Variants in CFAP54 observed in about 807,000 individuals in gnomAD.
The protein encoded by CFAP54 is cilia and flagella associated protein 54, also known as cilia- and flagella-associated protein 54.
In CFAP54, 290 loss-of-function variants were observed where a neutral mutation model predicts 370.4. The observed-to-expected ratio is 0.78, with a 90% CI of 0.71 to 0.86. The LOEUF is 0.86. Among genes scored for constraint, CFAP54 ranks in the 40% least tolerant of loss-of-function variants. The probability of loss-of-function intolerance (pLI) is 0.00; values close to 1 mark genes in which losing one functional copy is unlikely to be tolerated. For synonymous variants in CFAP54, 1,206 were observed against 1,236.5 expected (o/e 0.98, Z 0.52); for missense variants, 3,399 against 3,528.7 (o/e 0.96, Z 0.93).
chr12:96,740,670 A>C (rs1958040603), intron 51 of CFAP54, among the ~76,000 whole-genome samples: 1 of 152,264 alleles, frequency 6.6e-6, no homozygotes, highest in African/African-American at 2.4e-5. Context: ...ATTACAAATT[A>C]GCAAAACTAA....
intron 36 of CFAP54, among the ~76,000 whole-genome samples, chr12:96,655,205 C>A (rs1956908410): frequency 6.7e-6 from 1 of 148,718 alleles, no homozygotes. Flanking sequence ...TTTTTTCCAC[C>A]AAAGGATTCA....
chr12:96,492,427 C>T (rs2136340121), intron 1 of CFAP54, among the ~76,000 whole-genome samples: 1 of 152,290 alleles, frequency 6.6e-6, no homozygotes, highest in African/African-American at 2.4e-5. Flanking sequence ...GAATGTTCTT[C>T]CCCAAGCTTT....
intron 66 of CFAP54, among the ~76,000 whole-genome samples, chr12:96,830,761 C>T (rs545242419): frequency 6.6e-6 from 1 of 152,240 alleles, no homozygotes; most frequent in Non-Finnish European, 1.5e-5. Context: ...TCACTGCAAC[C>T]TCCACTTGCT....
chr12:96,576,868 A>C, intron 20 of CFAP54, 107 bp downstream of exon 20: 1 of 898,946 alleles, frequency 1.1e-6, no homozygotes, highest in Non-Finnish European at 1.6e-6. Flanking sequence ...AGTCTTATTC[A>C]TAAGCACTGA....
chr12:96,821,458 C>G (rs1959033357), intron 65 of CFAP54, among the ~76,000 whole-genome samples: 1 of 152,024 alleles, frequency 6.6e-6, no homozygotes, highest in African/African-American at 2.4e-5. Context: ...TAATGTTCTT[C>G]TTTGTGTTTT....
intron 33 of CFAP54, chr12:96,645,202 G>C (rs1409108854): frequency 1.1e-5 from 5 of 456,108 alleles, no homozygotes; most frequent in Admixed American, 9.4e-5. Context: ...AGTGCTGTGA[G>C]AGATAAAAAT....
intron 46 of CFAP54, among the ~76,000 whole-genome samples, chr12:96,704,452 G>GTGTGTA (rs1370305562): frequency 1.6e-5 from 1 of 61,316 alleles, no homozygotes; most frequent in African/African-American, 5.5e-5. Context: ...ATGTATGTGT[G>GTGTGTA]TATATATATA....
intron 65 of CFAP54, among the ~76,000 whole-genome samples, chr12:96,826,661 T>C (rs1414077675): frequency 2.2e-4 from 24 of 107,800 alleles, no homozygotes; most frequent in African/African-American, 7.6e-4. Context: ...AAATATATTA[T>C]ATATAAATAT....
intron 39 of CFAP54, among the ~76,000 whole-genome samples, chr12:96,677,181 T>TA (rs1957220397): frequency 8.0e-6 from 1 of 124,626 alleles, no homozygotes; most frequent in Non-Finnish European, 1.7e-5. Flanking sequence ...TTATTTTATT[T>TA]TATTTTTTTT....
chr12:96,666,657 GA>G (rs1015593557), intron 39 of CFAP54, among the ~76,000 whole-genome samples: 3 of 152,198 alleles, frequency 2.0e-5, no homozygotes, highest in African/African-American at 7.2e-5. Flanking sequence ...CCACCCCGAT[GA>G]TTCAGTTACC....
intron 4 of CFAP54, among the ~76,000 whole-genome samples, chr12:96,509,815 CAAA>C (rs61180247): frequency 1.4e-5 from 2 of 145,008 alleles, no homozygotes; most frequent in African/African-American, 2.5e-5. Context: ...GTCTCCATCT[CAAA>C]AAAAAAAAAA....
intron 39 of CFAP54, among the ~76,000 whole-genome samples, chr12:96,670,223 T>C (rs1161079212): frequency 6.6e-6 from 1 of 152,170 alleles, no homozygotes; most frequent in East Asian, 1.9e-4. Context: ...TGCTAGACCA[T>C]ATGTACATAT....
chr12:96,768,430 A>G (rs77455985), intron 60 of CFAP54, among the ~76,000 whole-genome samples: 9,736 of 152,202 alleles, frequency 0.064, 765 homozygotes, highest in East Asian at 0.44. Context: ...AGAAGGGTGG[A>G]TCACTTGAGG....
At chr12:96,801,356 C>T (rs530898499) in intron 63 of CFAP54, among the ~76,000 whole-genome samples, 107 of 152,300 alleles carry the variant, frequency 7.0e-4, no homozygotes, top group Non-Finnish European at 1.1e-3. Flanking sequence ...AACCACATTA[C>T]AAGCTATTCA....
chr12:96,718,533 A>G lies in CFAP54; in HGVS notation c.6804+11A>G, dbSNP rs564052090. 2 of 1,507,328 alleles carry G rather than the reference A, an allele frequency of 1.3e-6. No homozygotes were observed. The highest frequency in any genetic ancestry group is 2.3e-5 in the East Asian group (1 of 44,132). The allele number at this position is 1,507,328 out of a possible 1,614,324, so 93.4% of individuals were successfully genotyped here. ...CTTAGCATGCTAAAGGTAAGTTTGA[A>G]ACTGTTTTCAAACCATTAAGTTAGT... is the stretch of plus-strand genomic sequence containing the variant. On this transcript the variant is annotated intron_variant, in intron 49 of 67. Transcript: ENST00000524981.
At chr12:96,693,922 C>G in intron 45 of CFAP54, 114 bp downstream of exon 45, 1 of 587,806 alleles carries the variant, frequency 1.7e-6, no homozygotes, top group Non-Finnish European at 2.9e-6. Context: ...TGGCATTACA[C>G]TGATGTAAGA....
chr12:96,827,235 G>A lies in CFAP54; in HGVS notation c.9097-1779G>A, dbSNP rs370593786. 6.7e-3 allele frequency among the ~76,000 whole-genome samples: 123 copies of A among 18,284 alleles called. 57 individuals are homozygous for A. Among genetic ancestry groups the A allele is most frequent in the African/African-American group, 0.025 (32 of 1,266 alleles). 12.0% of individuals were successfully genotyped at this position (18,284 alleles called of 152,430 possible). A position where few individuals can be genotyped will look rare whatever the true frequency, so the allele number is the denominator to read the frequency against. Reference sequence around the variant, plus strand: ...TATATGTGATTATATATAATGTGCAGTTATATGTGATTATATATAGTGTGC... The same window carrying A: ...TATATGTGATTATATATAATGTGCAATTATATGTGATTATATATAGTGTGC... On this transcript the variant is annotated intron_variant, in intron 65 of 67. Transcript: ENST00000524981.
chr12:96,581,704 G>A (rs140723782), intron 22 of CFAP54, among the ~76,000 whole-genome samples: 442 of 151,712 alleles, frequency 2.9e-3, no homozygotes, highest in African/African-American at 0.01. Context: ...GCACACACAC[G>A]TGTATATGAA....
In CFAP54 at chr12:96,580,969, A is replaced by G; in HGVS notation, c.2939A>G (p.Asn980Ser). ...TTTGAAGTGAAAGGTTTAGAAACCA[A>G]TGAAAAGTATGTATTTGCAGTTGCT... Reference protein sequence around the residue: ...SVFEVKGLETNEKYVFAVAAY... With the variant: ...SVFEVKGLETSEKYVFAVAAY... The change falls in exon 22 of 68, where the codon AAT (asparagine) becomes AGT (serine). Residue 980 changes from asparagine to serine, a missense_variant. This residue lies in a region of CFAP54 where 2,796 missense variants were observed against 2,869.7 expected (regional missense o/e 0.97). Transcript: ENST00000524981. 2 of 1,533,296 alleles carry G rather than the reference A, an allele frequency of 1.3e-6. No homozygotes were observed. The highest frequency in any genetic ancestry group is 1.7e-6 in the Non-Finnish European group (2 of 1,145,300). The allele number at this position is 1,533,296 out of a possible 1,614,324, so 95.0% of individuals were successfully genotyped here. A position where few individuals can be genotyped will look rare whatever the true frequency, so the allele number is the denominator to read the frequency against.
Sources: gnomAD v4.1 joint callset for allele counts (sites outside exome capture counted in the v4.1 genomes callset) on GRCh38, gnomAD v4.1.1 for gene constraint, gnomAD v4.1.1 regional missense constraint, MANE v1.5 for transcripts, NCBI Gene and HGNC (gene_info 2026-07-23, HGNC 2026-07-21) for gene names.